The following SIRPG variants were observed in gnomAD, a reference collection of about 807,000 sequenced individuals.
SIRPG encodes the protein signal regulatory protein gamma.
In SIRPG, 38 loss-of-function variants were observed where a neutral mutation model predicts 35.7. That is an observed-to-expected ratio of 1.06 (90% CI 0.82 to 1.40). The LOEUF (loss-of-function observed/expected upper bound fraction) is 1.40, where lower values mean the gene tolerates loss of function less well. Ranked by LOEUF, SIRPG falls within the 40% of genes most tolerant of loss-of-function variation. The pLI is 0.00. For synonymous variants in SIRPG, 215 were observed against 190.4 expected (o/e 1.13, Z -1.06); for missense variants, 519 against 483.0 (o/e 1.07, Z -0.70).
At chr20:1,669,423 A>C in the SIRPG span, among the ~76,000 whole-genome samples, 1 of 152,236 alleles carries the variant, frequency 6.6e-6, no homozygotes, top group African/African-American at 2.4e-5. Flanking sequence ...AAATATCAGC[A>C]TCAGGACACA....
At chr20:1,659,322 TATC>T (rs2091990053), upstream of SIRPG, among the ~76,000 whole-genome samples, 3 of 152,332 alleles carry the variant, frequency 2.0e-5, no homozygotes, top group South Asian at 6.2e-4. Flanking sequence ...TTGTAAATGT[TATC>T]ATGTTTTAAT....
chr20:1,649,337 C>G lies in SIRPG; in HGVS notation c.145G>C (p.Ala49Pro), dbSNP rs1410500857. 1 of 1,613,982 alleles carries G rather than the reference C, an allele frequency of 6.2e-7. No individual in the cohort carries two copies. The highest frequency in any genetic ancestry group is 1.3e-5 in the African/African-American group (1 of 74,912). The change falls in exon 2 of 6, where the codon GCC becomes CCC. Residue 49 changes from alanine (A) to proline (P), a missense_variant. Ala to Pro is a conservative substitution (Grantham distance 27, BLOSUM62 -1). Coordinates refer to ENST00000303415, the MANE Select transcript of SIRPG (RefSeq NM_018556.4). ...GAGGTCACAGTGCAGTGCAGAGTGG[C>G]TGTCTTTCCAACTGTGACCAACAGG... Reference protein sequence around the residue: ...KLLLVTVGKTATLHCTVTSLL... With the variant: ...KLLLVTVGKTPTLHCTVTSLL...
chr20:1,662,050 A>T (rs2091997505), upstream of SIRPG, among the ~76,000 whole-genome samples: 1 of 152,174 alleles, frequency 6.6e-6, no homozygotes, highest in Non-Finnish European at 1.5e-5. Flanking sequence ...CCCCTGCAAA[A>T]AGTCCCTTAA....
intron 1 of SIRPG, chr20:1,651,176 T>C (rs779701445): frequency 6.6e-6 from 1 of 152,132 alleles, no homozygotes; most frequent in Non-Finnish European, 1.5e-5. Flanking sequence ...TATGAAGAAA[T>C]AAAGATGTCC....
At chr20:1,675,102 G>C in the SIRPG span, among the ~76,000 whole-genome samples, 4 of 152,200 alleles carry the variant, frequency 2.6e-5, no homozygotes, top group South Asian at 8.3e-4. Flanking sequence ...ATACCCTGTA[G>C]CCATAAAACA....
At chr20:1,643,956 C>A (rs991024329) in intron 2 of SIRPG, among the ~76,000 whole-genome samples, 16 of 152,156 alleles carry the variant, frequency 1.1e-4, no homozygotes, top group African/African-American at 3.9e-4. Flanking sequence ...CCTTTAGGAT[C>A]TCTAACCTCG....
chr20:1,654,446 G>C (rs954093174), intron 1 of SIRPG, among the ~76,000 whole-genome samples: 2 of 152,246 alleles, frequency 1.3e-5, no homozygotes, highest in East Asian at 3.9e-4. Context: ...AATGGTGAAA[G>C]GTCTGTCTCT....
the SIRPG span, among the ~76,000 whole-genome samples, chr20:1,672,539 A>G: frequency 1.3e-5 from 2 of 152,202 alleles, no homozygotes; most frequent in African/African-American, 2.4e-5. Context: ...TAAGTAACCA[A>G]TGAAAACAGG....
intron 1 of SIRPG, among the ~76,000 whole-genome samples, chr20:1,654,683 G>C (rs889863598): frequency 6.6e-6 from 1 of 152,066 alleles, no homozygotes; most frequent in South Asian, 2.1e-4. Flanking sequence ...TAGACAAAAG[G>C]CATTAACAAC....
At chr20:1,655,263 T>C (rs545297793) in intron 1 of SIRPG, among the ~76,000 whole-genome samples, 2 of 152,322 alleles carry the variant, frequency 1.3e-5, no homozygotes, top group East Asian at 3.9e-4. Flanking sequence ...AAAGCCAAGA[T>C]ATGGAATCAA....
chr20:1,648,647 T>A (rs539764799), intron 2 of SIRPG, among the ~76,000 whole-genome samples: 3 of 150,454 alleles, frequency 2.0e-5, no homozygotes, highest in African/African-American at 4.9e-5. Flanking sequence ...TAAAATAAAA[T>A]AAATAAAAAA....
rs1307066876 is a variant in SIRPG, at chr20:1,649,135, G to A, written c.347C>T (p.Thr116Ile). 2 of 1,613,854 alleles carry A rather than the reference G, an allele frequency of 1.2e-6. No homozygotes were observed. The highest frequency in any genetic ancestry group is 1.7e-5 in the Admixed American group (1 of 59,990). The change falls in exon 2 of 6, where the codon ACA (threonine) becomes ATA (isoleucine). Residue 116 changes from threonine to isoleucine, a missense_variant. Thr to Ile is a moderately conservative substitution (Grantham distance 89). Coordinates refer to ENST00000303415, the MANE Select transcript of SIRPG (RefSeq NM_018556.4). Reference sequence around the variant, plus strand: ...TTTTCGAAACTTCACACAGTAGTATGTGCCGACATCTGCTGGGGTGATGCT... The same window carrying A: ...TTTTCGAAACTTCACACAGTAGTATATGCCGACATCTGCTGGGGTGATGCT... Reference protein sequence around the residue: ...ISSITPADVGTYYCVKFRKGS... With the variant: ...ISSITPADVGIYYCVKFRKGS...
rs1445381940 is a variant in SIRPG at position 1,629,231 on chromosome 20, G to A, written c.*408C>T. 2 of 152,314 alleles carry A rather than the reference G, an allele frequency of 1.3e-5. No homozygotes were observed. The highest frequency in any genetic ancestry group is 4.8e-5 in the African/African-American group (2 of 41,436). The allele number at this position is 152,314 out of a possible 1,614,324, so 9.4% of individuals were successfully genotyped here. On this transcript the variant is annotated 3_prime_UTR_variant, in exon 6 of 6. Coordinates refer to ENST00000303415, the MANE Select transcript of SIRPG (RefSeq NM_018556.4). ...AAGAGGCAATAGAGAACCTCAACAA[G>A]GCTGGGGAGTTGGGATAGGCAGGAA...
chr20:1,652,374 G>T (rs1025631877), intron 1 of SIRPG, among the ~76,000 whole-genome samples: 3 of 152,220 alleles, frequency 2.0e-5, no homozygotes, highest in Non-Finnish European at 4.4e-5. Flanking sequence ...ATTAAAATTT[G>T]TCAGGTGCAG....
the SIRPG span, among the ~76,000 whole-genome samples, chr20:1,675,312 G>A: frequency 1.3e-5 from 2 of 152,294 alleles, no homozygotes; most frequent in East Asian, 1.9e-4. Flanking sequence ...ACAACATGGG[G>A]GAAGAGTCCT....
At chr20:1,663,933 G>T in the SIRPG span, among the ~76,000 whole-genome samples, 1 of 152,166 alleles carries the variant, frequency 6.6e-6, no homozygotes, top group Non-Finnish European at 1.5e-5. Flanking sequence ...TAAATAAGAG[G>T]TTTATTTGGC....
the SIRPG span, among the ~76,000 whole-genome samples, chr20:1,682,353 G>T: frequency 0.81 from 122,932 of 152,132 alleles, 49,911 homozygotes; most frequent in East Asian, 1. Context: ...GTAAGGATGG[G>T]TCGATATTCA....
the SIRPG span, among the ~76,000 whole-genome samples, chr20:1,665,913 A>G: frequency 1.3e-5 from 2 of 152,154 alleles, no homozygotes; most frequent in Non-Finnish European, 2.9e-5. Flanking sequence ...ATATATAAAA[A>G]AAAGAGCCTC....
chr20:1,685,787 C>T, the SIRPG span, among the ~76,000 whole-genome samples: 12 of 152,118 alleles, frequency 7.9e-5, no homozygotes, highest in South Asian at 6.2e-4. Context: ...TGAACATCCC[C>T]GGGAAACATT....
Sources: allele counts gnomAD v4.1 joint callset (sites outside exome capture counted in the v4.1 genomes callset), GRCh38; gene constraint gnomAD v4.1.1; transcripts MANE v1.5; gene names NCBI Gene and HGNC (gene_info 2026-07-23, HGNC 2026-07-21).